Variants in PRKAG2 observed in about 807,000 individuals in gnomAD.
The protein encoded by PRKAG2 is 5'-AMP-activated protein kinase subunit gamma-2.
In PRKAG2, 26 loss-of-function variants were observed where a neutral mutation model predicts 69.6. That is an observed-to-expected ratio of 0.37 (90% CI 0.27 to 0.52). PRKAG2 has a LOEUF of 0.52. Among genes scored for constraint, PRKAG2 ranks in the 20% least tolerant of loss-of-function variants. The pLI is 0.90. For synonymous variants in PRKAG2, 293 were observed against 285.0 expected, an observed-to-expected ratio of 1.03 and a Z score of -0.28; for missense variants, 557 against 740.0, an observed-to-expected ratio of 0.75 and a Z score of 2.87.
Position 151,788,151 on chromosome 7 carries a change from T to C in PRKAG2, c.115-1610A>G, listed in dbSNP as rs941946024. Among the ~76,000 whole-genome samples the C allele has an allele frequency of 6.6e-6, 1 of 152,236 alleles. No homozygotes were observed. The highest frequency in any genetic ancestry group is 2.4e-5 in the African/African-American group (1 of 41,446). On this transcript the variant is annotated intron_variant, in intron 1 of 15. Coordinates refer to ENST00000287878, the MANE Select transcript of PRKAG2 (RefSeq NM_016203.4). The surrounding 1 kb of genome is among the most constrained non-coding windows in gnomAD (Gnocchi z 4.6). Reference sequence around the variant, plus strand: ...ACTGCTGGACATCAGGTCATCCTACTGTCAATTTTTTGAGGAGCCACTAAA... The same window carrying C: ...ACTGCTGGACATCAGGTCATCCTACCGTCAATTTTTTGAGGAGCCACTAAA...
chr7:151,687,868 A>G (rs564725044), intron 3 of PRKAG2, among the ~76,000 whole-genome samples: 1 of 152,364 alleles, frequency 6.6e-6, no homozygotes, highest in Non-Finnish European at 1.5e-5. Flanking sequence ...TGGGTGCCTC[A>G]GGTCAGAGGT....
At chr7:151,681,785 C>T (rs1833924423) in intron 3 of PRKAG2, among the ~76,000 whole-genome samples, 1 of 152,084 alleles carries the variant, frequency 6.6e-6, no homozygotes, top group African/African-American at 2.4e-5. Context: ...CTGCCACAAT[C>T]AAACTGGGGT....
At chr7:151,757,496 C>G (rs1003011337) in intron 3 of PRKAG2, among the ~76,000 whole-genome samples, 1 of 152,162 alleles carries the variant, frequency 6.6e-6, no homozygotes, top group African/African-American at 2.4e-5. Context: ...ATGGGAGATT[C>G]GGATTCAACC....
At chr7:151,710,307 CT>C (rs746628001) in intron 3 of PRKAG2, among the ~76,000 whole-genome samples, 6 of 152,166 alleles carry the variant, frequency 3.9e-5, no homozygotes, top group Non-Finnish European at 7.4e-5. Context: ...CGTGGCACCC[CT>C]GTCCCCCAGC....
chr7:151,596,157 A>G (rs1814464025), intron 5 of PRKAG2, among the ~76,000 whole-genome samples: 1 of 152,324 alleles, frequency 6.6e-6, no homozygotes, highest in Admixed American at 6.5e-5. Flanking sequence ...AAAGGCATCC[A>G]AATATGGAAA....
At position 151,811,298 on chromosome 7, in the gene PRKAG2, C is replaced by T. The variant is rs186546023; in HGVS notation, c.115-24757G>A. On this transcript the variant is annotated intron_variant, in intron 1 of 15. Coordinates refer to ENST00000287878, the MANE Select transcript of PRKAG2 (RefSeq NM_016203.4). ...ATGTGCTGGCAGCTGCCCCTTACTC[C>T]TGCAAGGCAGGTACTGTCTCCATTC... Among the ~76,000 whole-genome samples the T allele has an allele frequency of 2.0e-4, 31 of 152,364 alleles. No individual in the cohort carries two copies. The East Asian group carries it at 2.9e-3, about 14-fold the overall frequency.
chr7:151,691,267 G>A, intron 3 of PRKAG2, among the ~76,000 whole-genome samples: 1 of 152,050 alleles, frequency 6.6e-6, no homozygotes, highest in South Asian at 2.1e-4. Context: ...TTATTATGCT[G>A]TGTTGGTTTT....
chr7:151,874,182 A>G (rs1426307443), intron 1 of PRKAG2, among the ~76,000 whole-genome samples: 2 of 130,456 alleles, frequency 1.5e-5, no homozygotes, highest in African/African-American at 3.0e-5. Context: ...ATGTATATGT[A>G]TATGTATATG....
At chr7:151,870,435 G>GAACC (rs1436048142) in intron 1 of PRKAG2, among the ~76,000 whole-genome samples, 3 of 152,170 alleles carry the variant, frequency 2.0e-5, no homozygotes, top group Non-Finnish European at 4.4e-5. Context: ...GCTAGTCCAT[G>GAACC]AACCACACTT....
intron 3 of PRKAG2, among the ~76,000 whole-genome samples, chr7:151,726,875 C>G (rs1798063998): frequency 6.6e-6 from 1 of 152,056 alleles, no homozygotes; most frequent in Non-Finnish European, 1.5e-5. Flanking sequence ...CAAACTTTGC[C>G]TTAAACATTT....
intron 1 of PRKAG2, among the ~76,000 whole-genome samples, chr7:151,846,329 G>A (rs928152114): frequency 6.6e-6 from 1 of 152,144 alleles, no homozygotes; most frequent in Admixed American, 6.6e-5. Context: ...TTAGCTGGGT[G>A]TGGTGGCGCA....
chr7:151,869,010 G>A (rs747904284), intron 1 of PRKAG2, among the ~76,000 whole-genome samples: 46 of 152,244 alleles, frequency 3.0e-4, no homozygotes, highest in Non-Finnish European at 5.6e-4. Context: ...GATTTCTTTC[G>A]CCAGTCTAGT....
intron 3 of PRKAG2, among the ~76,000 whole-genome samples, chr7:151,676,374 C>T (rs182800840): frequency 2.0e-5 from 3 of 151,938 alleles, no homozygotes; most frequent in Non-Finnish European, 2.9e-5. Flanking sequence ...GATAAATACC[C>T]AAGGAGACTT....
Position 151,564,189 on chromosome 7 carries a change from A to G in PRKAG2, c.1473T>C (p.Asp491=). 1 of 1,614,190 alleles carries G rather than the reference A, an allele frequency of 6.2e-7. No individual in the cohort carries two copies. The highest frequency in any genetic ancestry group is 1.1e-5 in the South Asian group (1 of 91,084). ...GCTGAAGGGCCTGGGTCACCGTGAT[A>G]TCTAGGTTATTGTATGTTTTCTCAG... ...LAAEKTYNNL[D]ITVTQALQHR... is the part of the protein sequence containing the mutation. The change falls in exon 14 of 16, where the codon GAT becomes GAC. Residue 491 remains aspartate (D), a synonymous_variant. Coordinates refer to ENST00000287878, the MANE Select transcript of PRKAG2 (RefSeq NM_016203.4).
At position 151,860,869 on chromosome 7, in the gene PRKAG2, G is replaced by T. The variant is rs117222082; in HGVS notation, c.114+15638C>A. On this transcript the variant is annotated intron_variant, in intron 1 of 15. Transcript: ENST00000287878. ...CATGACCCTACTGGGGTCACGTTAG[G>T]CTTGTGGTAGAGGGAGGTGCAGGCA... Among the ~76,000 whole-genome samples, 33 of 152,236 alleles carry T rather than the reference G, an allele frequency of 2.2e-4. No homozygotes were observed. In the East Asian group the frequency reaches 6.2e-3, roughly 29 times the overall value.
At chr7:151,838,706 CAAA>C (rs57382424) in intron 1 of PRKAG2, among the ~76,000 whole-genome samples, 11 of 92,186 alleles carry the variant, frequency 1.2e-4, no homozygotes, top group Admixed American at 1.2e-4. Flanking sequence ...GACCCTGTTT[CAAA>C]AAAAAAAAAA....
At chr7:151,631,964 C>T in intron 5 of PRKAG2, 105 bp downstream of exon 5, 2 of 1,071,486 alleles carry the variant, frequency 1.9e-6, no homozygotes, top group Non-Finnish European at 2.3e-6. Flanking sequence ...ACGCAGCTCG[C>T]CGTGGGGCAG....
chr7:151,594,426 A>C lies in PRKAG2; in HGVS notation c.864+919T>G, dbSNP rs185621183. ...TGAATGTAGTTTGATCACGGTATTG[A>C]GTATATTATTTAGGACTTTTTGTAT... On this transcript the variant is annotated intron_variant, in intron 6 of 15. Transcript: ENST00000287878. 2.0e-5 allele frequency among the ~76,000 whole-genome samples: 3 copies of C among 152,346 alleles called. No individual in the cohort carries two copies. The East Asian group carries it at 5.8e-4, about 29-fold the overall frequency.
intron 3 of PRKAG2, among the ~76,000 whole-genome samples, chr7:151,753,199 C>T (rs971976037): frequency 5.9e-5 from 9 of 152,324 alleles, no homozygotes; most frequent in Admixed American, 2.6e-4. Flanking sequence ...CGAAACAAAA[C>T]GCGTGGCTGG....
Sources: gnomAD v4.1 joint callset for allele counts (sites outside exome capture counted in the v4.1 genomes callset) on GRCh38, gnomAD v4.1.1 for gene constraint, Gnocchi (gnomAD v3.1) non-coding constraint, MANE v1.5 for transcripts, NCBI Gene and HGNC (gene_info 2026-07-23, HGNC 2026-07-21) for gene names.